Variants in THSD7B observed in about 807,000 individuals in gnomAD.
The protein encoded by THSD7B is thrombospondin type 1 domain containing 7B.
In THSD7B, 138 loss-of-function variants were observed where a neutral mutation model predicts 213.6. The observed-to-expected ratio is 0.65, with a 90% CI of 0.56 to 0.74. The LOEUF is 0.74. Ranked by LOEUF, THSD7B falls within the 30% of genes least tolerant of loss-of-function variation. The pLI is 0.00. For synonymous variants in THSD7B, 742 were observed against 687.0 expected, an observed-to-expected ratio of 1.08 and a Z score of -1.25; for missense variants, 1,931 against 1,991.5, an observed-to-expected ratio of 0.97 and a Z score of 0.58.
At chr2:137,442,399 C>T (rs934370116) in intron 14 of THSD7B, among the ~76,000 whole-genome samples, 1 of 151,798 alleles carries the variant, frequency 6.6e-6, no homozygotes, top group African/African-American at 2.4e-5. Flanking sequence ...CAAGCTTGAT[C>T]CATCAGGATG....
At chr2:136,970,241 A>C (rs1573740890) in intron 2 of THSD7B, among the ~76,000 whole-genome samples, 1 of 152,078 alleles carries the variant, frequency 6.6e-6, no homozygotes, top group Admixed American at 6.5e-5. Flanking sequence ...AGGCAGGTGG[A>C]TCGCTTAATC....
intron 15 of THSD7B, among the ~76,000 whole-genome samples, chr2:137,535,802 C>T (rs1413354628): frequency 2.0e-5 from 3 of 151,348 alleles, no homozygotes; most frequent in African/African-American, 7.3e-5. Flanking sequence ...TCTGAGATGA[C>T]GACATCAGAC....
intron 2 of THSD7B, among the ~76,000 whole-genome samples, chr2:137,026,458 A>T (rs1686557931): frequency 6.6e-6 from 1 of 152,156 alleles, no homozygotes; most frequent in Admixed American, 6.6e-5. Context: ...AAACTTTGGG[A>T]AAAGGATTAC....
intron 15 of THSD7B, among the ~76,000 whole-genome samples, chr2:137,465,043 T>G (rs1482519220): frequency 6.6e-6 from 1 of 152,032 alleles, no homozygotes; most frequent in Non-Finnish European, 1.5e-5. Flanking sequence ...TGTTCCAATT[T>G]AGGAGAGAGA....
intron 15 of THSD7B, among the ~76,000 whole-genome samples, chr2:137,533,300 G>A (rs931030410): frequency 2.0e-5 from 3 of 151,676 alleles, no homozygotes; most frequent in South Asian, 2.1e-4. Context: ...GAAATAAGTC[G>A]AATACAGAGT....
intron 17 of THSD7B, among the ~76,000 whole-genome samples, chr2:137,598,859 TTA>T (rs1271946191): frequency 6.9e-6 from 1 of 145,816 alleles, no homozygotes; most frequent in East Asian, 1.9e-4. Flanking sequence ...TTTTTTTCTT[TTA>T]TGTTTCATTT....
chr2:136,920,897 G>A (rs529324), intron 2 of THSD7B, among the ~76,000 whole-genome samples: 101,478 of 152,000 alleles, frequency 0.67, 34,100 homozygotes, highest in Non-Finnish European at 0.7. Context: ...CTCAGCCACA[G>A]CTTTGCTCTG....
At chr2:137,397,391 C>T (rs979011289) in intron 12 of THSD7B, among the ~76,000 whole-genome samples, 1 of 152,078 alleles carries the variant, frequency 6.6e-6, no homozygotes, top group African/African-American at 2.4e-5. Context: ...ATTTGCTTGT[C>T]TGTAAAGGAT....
intron 15 of THSD7B, among the ~76,000 whole-genome samples, chr2:137,546,397 ATATATATTATATATATATT>A (rs1680718329): frequency 2.6e-5 from 1 of 38,918 alleles, no homozygotes; most frequent in Non-Finnish European, 4.2e-5. Flanking sequence ...TATATATATT[ATATATATTATATATATATT>A]ATATATATTA....
intron 15 of THSD7B, among the ~76,000 whole-genome samples, chr2:137,459,682 A>T (rs925233601): frequency 6.6e-6 from 1 of 151,964 alleles, no homozygotes; most frequent in Admixed American, 6.6e-5. Context: ...AAAAAAAAAG[A>T]TTCAAGATAA....
intron 15 of THSD7B, among the ~76,000 whole-genome samples, chr2:137,550,975 C>T (rs1024383143): frequency 6.6e-6 from 1 of 151,310 alleles, no homozygotes; most frequent in Non-Finnish European, 1.5e-5. Flanking sequence ...CACATGTACC[C>T]CTGAACCTAA....
intron 20 of THSD7B, among the ~76,000 whole-genome samples, chr2:137,627,875 C>T (rs1682661408): frequency 6.6e-6 from 1 of 152,126 alleles, no homozygotes; most frequent in Non-Finnish European, 1.5e-5. Context: ...AGTGATTAAC[C>T]AATAGTTTGT....
chr2:137,286,141 A>G (rs1467987927), intron 12 of THSD7B, among the ~76,000 whole-genome samples: 5 of 151,966 alleles, frequency 3.3e-5, no homozygotes, highest in Admixed American at 3.3e-4. Context: ...AACGTTATAT[A>G]TTACATAAAG....
rs1681632470 is a variant in THSD7B, at chr2:137,231,199, A to T, written c.1879A>T (p.Thr627Ser). The T allele has an allele frequency of 5.6e-6, 9 of 1,612,922 alleles. No homozygotes were observed. The East Asian group carries it at 2.0e-4, about 36-fold the overall frequency. Residue 627 changes from threonine to serine, a missense_variant, in exon 8 of 28, where the codon ACC (threonine) becomes TCC (serine). Coordinates refer to ENST00000409968, the MANE Select transcript of THSD7B (RefSeq NM_001316349.2). ...AAATAAAAACTCAGATGGGAAACAGACCAGGTCAAGAACTATCCTGGCACT... is the reference window on the plus strand; with the variant it reads ...AAATAAAAACTCAGATGGGAAACAGTCCAGGTCAAGAACTATCCTGGCACT... ...CSNKNSDGKQTRSRTILALAG... is the reference protein window; with the variant it reads ...CSNKNSDGKQSRSRTILALAG...
intron 5 of THSD7B, among the ~76,000 whole-genome samples, chr2:137,117,967 G>T (rs552431129): frequency 8.0e-4 from 121 of 152,180 alleles, no homozygotes; most frequent in Non-Finnish European, 1.5e-3. Context: ...GATGTTTGCC[G>T]CAAGAGTATA....
intron 4 of THSD7B, among the ~76,000 whole-genome samples, chr2:137,104,956 C>G (rs777486052): frequency 1.4e-4 from 21 of 152,192 alleles, no homozygotes; most frequent in Non-Finnish European, 2.8e-4. Context: ...CAAACGGATT[C>G]ACAGCCGAAT....
chr2:137,563,342 C>G lies in THSD7B; in HGVS notation c.3260C>G (p.Ser1087Cys). ...RSLRCGGGTQ[S>C]RKIRCVNTAD... Reference sequence around the variant, plus strand: ...CTGCGCTGTGGAGGAGGAACACAATCTAGGAAAATCAGGTGTGTGAAAATG... The same window carrying G: ...CTGCGCTGTGGAGGAGGAACACAATGTAGGAAAATCAGGTGTGTGAAAATG... Residue 1087 changes from serine to cysteine, a missense_variant, in exon 16 of 28, where the codon TCT becomes TGT. Coordinates refer to ENST00000409968, the MANE Select transcript of THSD7B (RefSeq NM_001316349.2). 6.2e-7 allele frequency: 1 copy of G among 1,612,868 alleles called. No individual in the cohort carries two copies. Among genetic ancestry groups the G allele is most frequent in the Non-Finnish European group, 8.5e-7 (1 of 1,179,398 alleles).
chr2:137,618,606 TTCTC>T, intron 19 of THSD7B, 99 bp downstream of exon 19: 1 of 1,079,866 alleles, frequency 9.3e-7, no homozygotes, highest in Non-Finnish European at 1.3e-6. Flanking sequence ...GACTGATTTC[TTCTC>T]ATCTCAGCTT....
At chr2:137,191,263 G>A (rs912240359) in intron 7 of THSD7B, among the ~76,000 whole-genome samples, 3 of 152,072 alleles carry the variant, frequency 2.0e-5, no homozygotes, top group Non-Finnish European at 4.4e-5. Flanking sequence ...TTCCCTTCTC[G>A]ACTTTATTCT....
Sources: allele counts gnomAD v4.1 joint callset (sites outside exome capture counted in the v4.1 genomes callset), GRCh38; gene constraint gnomAD v4.1.1; transcripts MANE v1.5; gene names NCBI Gene and HGNC (gene_info 2026-07-23, HGNC 2026-07-21).